PRMT3: variants seen among roughly 807,000 people sequenced by gnomAD.
PRMT3 encodes protein arginine N-methyltransferase 3.
PRMT3 carries 62 observed loss-of-function variants against 71.9 expected under a neutral mutation model. That is an observed-to-expected ratio of 0.86 (90% CI 0.70 to 1.07). The LOEUF (loss-of-function observed/expected upper bound fraction) is 1.07. Ranked by LOEUF, PRMT3 falls within the 50% of genes least tolerant of loss-of-function variation. PRMT3 has a pLI of 0.00. For synonymous variants in PRMT3, 213 were observed against 220.4 expected, an observed-to-expected ratio of 0.97 and a Z score of 0.30; for missense variants, 663 against 643.0, an observed-to-expected ratio of 1.03 and a Z score of -0.34.
At chr11:20,468,199 G>GTATC (rs776803759) in intron 13 of PRMT3, among the ~76,000 whole-genome samples, 8 of 152,160 alleles carry the variant, frequency 5.3e-5, no homozygotes, top group Non-Finnish European at 1.0e-4. Flanking sequence ...GAAGAAGAAA[G>GTATC]TATCTGAATT....
At position 20,387,998 on chromosome 11, in the gene PRMT3, A is replaced by T; in HGVS notation, c.29-21A>T. ...CGCACCGGTGTCCGAGGCCGATCTG[A>T]TTGTTGTGTGTGTGTGTTAGGCGGC... On this transcript the variant is annotated intron_variant, in intron 1 of 15. Coordinates refer to ENST00000331079, the MANE Select transcript of PRMT3 (RefSeq NM_005788.4). This position sits in a 1 kb window ranked among gnomAD's most constrained non-coding sequence, Gnocchi z 4.3. The T allele has an allele frequency of 6.2e-7, 1 of 1,613,444 alleles. No individual in the cohort carries two copies. The highest frequency in any genetic ancestry group is 8.5e-7 in the Non-Finnish European group (1 of 1,179,868).
chr11:20,494,020 A>G (rs772879694), intron 14 of PRMT3, 51 bp downstream of exon 14: 5 of 1,491,066 alleles, frequency 3.4e-6, no homozygotes, highest in Non-Finnish European at 4.6e-6. Flanking sequence ...GAAGTACATT[A>G]TATTTTATTT....
At chr11:20,412,164 C>G (rs1849207917) in intron 9 of PRMT3, among the ~76,000 whole-genome samples, 1 of 152,202 alleles carries the variant, frequency 6.6e-6, no homozygotes, top group Admixed American at 6.5e-5. Context: ...TGGAAACTAT[C>G]AAAGGCTATA....
intron 10 of PRMT3, among the ~76,000 whole-genome samples, chr11:20,450,154 A>G (rs1356995898): frequency 6.6e-6 from 1 of 152,166 alleles, no homozygotes; most frequent in Non-Finnish European, 1.5e-5. Context: ...CCTTTGTCCA[A>G]AAAGGATTGG....
At chr11:20,451,328 G>C (rs1197306227) in intron 10 of PRMT3, among the ~76,000 whole-genome samples, 12 of 152,018 alleles carry the variant, frequency 7.9e-5, no homozygotes, top group Non-Finnish European at 1.5e-5. Context: ...TCTGTAGTCA[G>C]AAAGTGGGTA....
chr11:20,458,766 A>G (rs1482153264), intron 11 of PRMT3, among the ~76,000 whole-genome samples: 2 of 152,218 alleles, frequency 1.3e-5, no homozygotes, highest in Non-Finnish European at 2.9e-5. Context: ...CAATATAAAA[A>G]CTGTGCTTTT....
chr11:20,397,373 TAGA>T (rs543077996), intron 6 of PRMT3, among the ~76,000 whole-genome samples: 72 of 151,614 alleles, frequency 4.7e-4, no homozygotes, highest in African/African-American at 1.2e-3. Flanking sequence ...TTGTGGTTTG[TAGA>T]AGGAGTATGT....
chr11:20,465,111 C>CTGAAT (rs1355229886), intron 13 of PRMT3, among the ~76,000 whole-genome samples: 5 of 152,060 alleles, frequency 3.3e-5, no homozygotes, highest in Non-Finnish European at 7.4e-5. Context: ...TCAGACTATT[C>CTGAAT]AGTTGCTTTA....
chr11:20,502,014 G>T (rs1851468648), intron 15 of PRMT3, among the ~76,000 whole-genome samples: 1 of 152,116 alleles, frequency 6.6e-6, no homozygotes, highest in African/African-American at 2.4e-5. Flanking sequence ...CTGGGGAAAT[G>T]AAGTTTCATT....
At chr11:20,427,439 T>C (rs905983871) in intron 10 of PRMT3, among the ~76,000 whole-genome samples, 2 of 152,206 alleles carry the variant, frequency 1.3e-5, no homozygotes, top group Non-Finnish European at 2.9e-5. Flanking sequence ...ATAAAATTAA[T>C]GGAGTCTGGG....
At chr11:20,436,880 G>T (rs905633026) in intron 10 of PRMT3, among the ~76,000 whole-genome samples, 1 of 151,998 alleles carries the variant, frequency 6.6e-6, no homozygotes, top group Non-Finnish European at 1.5e-5. Flanking sequence ...TAAGGGTTTG[G>T]TACAATTTAG....
chr11:20,390,553 A>G (rs1848691044), intron 3 of PRMT3, among the ~76,000 whole-genome samples: 1 of 152,260 alleles, frequency 6.6e-6, no homozygotes, highest in Non-Finnish European at 1.5e-5. Context: ...GACTGGAAAA[A>G]GAGTGATGAA....
chr11:20,425,752 A>G (rs1032588811), intron 9 of PRMT3, among the ~76,000 whole-genome samples: 2 of 152,150 alleles, frequency 1.3e-5, no homozygotes, highest in African/African-American at 4.8e-5. Context: ...GTGGATGGGG[A>G]GATTTTCTGG....
chr11:20,416,672 T>G (rs1849312238), intron 9 of PRMT3, among the ~76,000 whole-genome samples: 1 of 152,180 alleles, frequency 6.6e-6, no homozygotes. Flanking sequence ...TTATTAGAAC[T>G]GAGTTATTGC....
At chr11:20,402,798 C>T in intron 7 of PRMT3, 121 bp from the exon 8 acceptor site, 5 of 593,202 alleles carry the variant, frequency 8.4e-6, no homozygotes, top group Non-Finnish European at 1.2e-5. Context: ...AGCTTGGTAT[C>T]CCAGGTATAA....
At position 20,493,943 on chromosome 11, in the gene PRMT3, T is replaced by C; in HGVS notation, c.1372T>C (p.Tyr458His). 2 of 1,590,174 alleles carry C rather than the reference T, an allele frequency of 1.3e-6. No individual in the cohort carries two copies. Among genetic ancestry groups the C allele is most frequent in the Non-Finnish European group, 1.7e-6 (2 of 1,163,230 alleles). The change falls in exon 14 of 16, where the codon TAT becomes CAT. Residue 458 changes from tyrosine to histidine, a missense_variant. Transcript: ENST00000331079. ...CTAIAGYFDI[Y>H]FEKNCHNRVV... Reference sequence around the variant, plus strand: ...GGCAATTGCTGGCTACTTTGATATATATTTTGAGAAGAATTGCCACAACAG... The same window carrying C: ...GGCAATTGCTGGCTACTTTGATATACATTTTGAGAAGAATTGCCACAACAG...
intron 10 of PRMT3, 22 bp from the exon 11 acceptor site, chr11:20,452,108 T>C: frequency 6.5e-7 from 1 of 1,541,328 alleles, no homozygotes; most frequent in Non-Finnish European, 9.0e-7. Flanking sequence ...CTAAACTCTT[T>C]TTTTCCCCTT....
In PRMT3 at chr11:20,508,436, C is replaced by A. The variant is rs370972379; in HGVS notation, c.*23C>A. ...TGAAACAGCCATAAAAGCACACTAC[C>A]TTGTAGTTTTTAATGTGGGGGTAGA... On this transcript the variant is annotated 3_prime_UTR_variant, in exon 16 of 16. Transcript: ENST00000331079. The A allele has an allele frequency of 1.2e-5, 19 of 1,531,406 alleles. No homozygotes were observed. The highest frequency in any genetic ancestry group is 1.7e-5 in the Non-Finnish European group (19 of 1,105,180). The allele number at this position is 1,531,406 out of a possible 1,614,324, so 94.9% of individuals were successfully genotyped here.
intron 10 of PRMT3, among the ~76,000 whole-genome samples, chr11:20,442,801 A>G (rs2133375316): frequency 6.6e-6 from 1 of 152,360 alleles, no homozygotes; most frequent in South Asian, 2.1e-4. Context: ...TGCTCATTTG[A>G]ATTTTACCCA....
Sources: allele counts gnomAD v4.1 joint callset (sites outside exome capture counted in the v4.1 genomes callset), GRCh38; gene constraint gnomAD v4.1.1; non-coding constraint Gnocchi (gnomAD v3.1); transcripts MANE v1.5; gene names NCBI Gene and HGNC (gene_info 2026-07-23, HGNC 2026-07-21).